The following PAK3 variants were observed in gnomAD, a reference collection of about 807,000 sequenced individuals.
PAK3 encodes serine/threonine-protein kinase PAK 3.
A neutral mutation model predicts 41.0 loss-of-function variants in PAK3; 4 were observed. The ratio of observed to expected loss-of-function variants is 0.10; its 90% CI spans 0.05 to 0.22. The LOEUF (loss-of-function observed/expected upper bound fraction) is 0.22. Among genes scored for constraint, PAK3 ranks in the 10% least tolerant of loss-of-function variants. The pLI is 1.00. For missense variants in PAK3, 205 were observed against 409.9 expected, an observed-to-expected ratio of 0.50 and a Z score of 4.32; for synonymous variants, 146 against 139.6, an observed-to-expected ratio of 1.05 and a Z score of -0.32.
intron 8 of PAK3, among the ~76,000 whole-genome samples, chrX:111,161,116 C>T (rs2094180513): frequency 9.0e-6 from 1 of 111,649 alleles, no homozygotes; most frequent in Non-Finnish European, 1.9e-5. Flanking sequence ...TCCACATCCT[C>T]TCCAGCACCT....
At chrX:111,084,717 A>G (rs2092865571) in intron 1 of PAK3, among the ~76,000 whole-genome samples, 1 of 112,241 alleles carries the variant, frequency 8.9e-6, no homozygotes, top group African/African-American at 3.2e-5. Context: ...TTTTAACTAC[A>G]TTGTCTGACA....
At chrX:110,979,855 C>A (rs906121024) in intron 1 of PAK3, among the ~76,000 whole-genome samples, 7 of 112,117 alleles carry the variant, frequency 6.2e-5, no homozygotes, top group African/African-American at 2.3e-4. Context: ...GAAGTCCTGG[C>A]AGACTTGACA....
intron 11 of PAK3, among the ~76,000 whole-genome samples, chrX:111,177,913 A>G (rs966661171): frequency 3.6e-5 from 4 of 111,451 alleles, no homozygotes; most frequent in African/African-American, 1.3e-4. Flanking sequence ...TCAGGTTCAT[A>G]TTGTCTTTTC....
At chrX:111,163,333 T>G (rs2094213399) in intron 9 of PAK3, among the ~76,000 whole-genome samples, 1 of 110,474 alleles carries the variant, frequency 9.1e-6, no homozygotes, top group Non-Finnish European at 1.9e-5. Flanking sequence ...GTAGGAAGAG[T>G]TGCATAAACA....
At chrX:111,219,581 GA>G (rs1478758004) in intron 17 of PAK3, among the ~76,000 whole-genome samples, 2 of 111,300 alleles carry the variant, frequency 1.8e-5, no homozygotes, top group Non-Finnish European at 3.8e-5. Flanking sequence ...GGTGACAGAA[GA>G]AAATCCCGTA....
intron 1 of PAK3, among the ~76,000 whole-genome samples, chrX:111,060,073 C>T (rs964184585): frequency 3.6e-5 from 4 of 111,389 alleles, no homozygotes; most frequent in Admixed American, 9.6e-5. Flanking sequence ...AGTTTTTCAT[C>T]GGTGTGCTTC....
chrX:110,974,070 C>T (rs965614838), intron 1 of PAK3, among the ~76,000 whole-genome samples: 3 of 111,344 alleles, frequency 2.7e-5, no homozygotes, highest in African/African-American at 9.8e-5. Context: ...AAAGCAAGTC[C>T]TTAGAGTCCT....
At chrX:110,961,652 C>G (rs1290543620) in intron 1 of PAK3, among the ~76,000 whole-genome samples, 2 of 111,858 alleles carry the variant, frequency 1.8e-5, no homozygotes, top group Non-Finnish European at 3.8e-5. Context: ...CCTCTAGATT[C>G]TCACTTGCTA....
intron 1 of PAK3, among the ~76,000 whole-genome samples, chrX:110,959,835 C>T (rs143087984): frequency 0.022 from 2,431 of 110,723 alleles, 66 homozygotes; most frequent in African/African-American, 0.075. Context: ...GAAAAAGAAG[C>T]GAAAAAAGCC....
chrX:111,179,413 A>G (rs1408405949), intron 11 of PAK3, among the ~76,000 whole-genome samples: 1 of 111,163 alleles, frequency 9.0e-6, no homozygotes, highest in Non-Finnish European at 1.9e-5. Context: ...TATCTACTAT[A>G]TGACTTTTTA....
intron 8 of PAK3, 57 bp from the exon 9 acceptor site, chrX:111,162,857 CT>C (rs1453104772): frequency 9.5e-7 from 1 of 1,056,426 alleles, no homozygotes; most frequent in African/African-American, 1.8e-5. Flanking sequence ...TGTTTTATTT[CT>C]GAAGAAAAAC....
At chrX:111,066,234 G>T (rs1056085392) in intron 1 of PAK3, among the ~76,000 whole-genome samples, 4 of 111,829 alleles carry the variant, frequency 3.6e-5, no homozygotes, top group African/African-American at 1.3e-4. Context: ...GCATCCCAGA[G>T]ATTTTGGTAT....
chrX:111,097,171 G>T (rs1296757640), intron 1 of PAK3, among the ~76,000 whole-genome samples: 2 of 107,689 alleles, frequency 1.9e-5, no homozygotes, highest in Non-Finnish European at 3.8e-5. Context: ...GCTCGCTGGG[G>T]GACATTGCCC....
At chrX:110,958,493 G>A (rs2090912038) in intron 1 of PAK3, among the ~76,000 whole-genome samples, 1 of 111,532 alleles carries the variant, frequency 9.0e-6, no homozygotes, top group Admixed American at 9.5e-5. Context: ...GCCATGAAGA[G>A]GAGGGCAAAT....
intron 1 of PAK3, among the ~76,000 whole-genome samples, chrX:111,052,847 A>C (rs1449429602): frequency 8.9e-6 from 1 of 112,523 alleles, no homozygotes; most frequent in Non-Finnish European, 1.9e-5. Flanking sequence ...CAATGGGTTT[A>C]GTAGCTGCCA....
upstream of PAK3, among the ~76,000 whole-genome samples, chrX:111,094,520 C>G (rs2092954085): frequency 9.0e-6 from 1 of 110,512 alleles, no homozygotes; most frequent in South Asian, 3.8e-4. Context: ...ACATCGTTTA[C>G]TTAGTCTTTG....
chrX:111,185,816 T>C (rs775605971), intron 11 of PAK3, among the ~76,000 whole-genome samples: 5 of 110,888 alleles, frequency 4.5e-5, no homozygotes, highest in Non-Finnish European at 7.6e-5. Flanking sequence ...TCCAGGTTTG[T>C]TCTTTTTGCT....
chrX:110,975,712 C>T (rs1054706300), intron 1 of PAK3, among the ~76,000 whole-genome samples: 1 of 111,789 alleles, frequency 8.9e-6, no homozygotes, highest in African/African-American at 3.3e-5. Context: ...TCAAACTATA[C>T]TACAAGGCCA....
chrX:111,116,802 G>A (rs916362551), intron 4 of PAK3, among the ~76,000 whole-genome samples: 2 of 112,379 alleles, frequency 1.8e-5, no homozygotes, highest in Non-Finnish European at 3.8e-5. Flanking sequence ...GTGCTTGTAT[G>A]TATGTCAGCA....
Sources: allele counts gnomAD v4.1 joint callset (sites outside exome capture counted in the v4.1 genomes callset), GRCh38; gene constraint gnomAD v4.1.1; transcripts MANE v1.5; gene names NCBI Gene and HGNC (gene_info 2026-07-23, HGNC 2026-07-21).